Variants in RIN2 observed in about 807,000 individuals in gnomAD.
RIN2 encodes RAB5 interacting protein 2.
In RIN2, 36 loss-of-function variants were observed where a neutral mutation model predicts 78.0. That is an observed-to-expected ratio of 0.46 (90% confidence interval 0.35 to 0.61). RIN2 has a LOEUF of 0.61. Ranked by LOEUF, RIN2 falls within the 20% of genes least tolerant of loss-of-function variation. The pLI is 0.00. For synonymous variants in RIN2, 466 were observed against 466.8 expected (o/e 1.00, Z 0.02); for missense variants, 1,087 against 1,159.7 (o/e 0.94, Z 0.91).
chr20:20,000,287 GAA>G (rs574825927), intron 12 of RIN2, among the ~76,000 whole-genome samples: 12,755 of 152,264 alleles, frequency 0.084, 680 homozygotes, highest in South Asian at 0.12. Context: ...TTCAAGCTGG[GAA>G]TAAACCCAGC....
chr20:19,835,006 GAA>G (rs1201035723), intron 2 of RIN2, among the ~76,000 whole-genome samples: 2 of 147,374 alleles, frequency 1.4e-5, no homozygotes, highest in African/African-American at 2.5e-5. Flanking sequence ...GAGAGAGAGA[GAA>G]AGAAAAAGAG....
At chr20:19,787,611 C>T (rs1390534983) in intron 1 of RIN2, among the ~76,000 whole-genome samples, 1 of 151,974 alleles carries the variant, frequency 6.6e-6, no homozygotes, top group Admixed American at 6.6e-5. Flanking sequence ...ATCTCTCATG[C>T]CTTTGTTGCC....
chr20:19,760,458 C>T (rs1044073354), intron 1 of RIN2, among the ~76,000 whole-genome samples: 31 of 152,262 alleles, frequency 2.0e-4, no homozygotes, highest in Admixed American at 3.3e-4. Flanking sequence ...ATGGCTATGG[C>T]GTGTGCTTAT....
intron 4 of RIN2, among the ~76,000 whole-genome samples, chr20:19,950,656 G>A (rs2041274258): frequency 1.3e-5 from 2 of 151,936 alleles, no homozygotes; most frequent in South Asian, 4.1e-4. Context: ...AAGAATAAAA[G>A]CATTTTTCCT....
intron 1 of RIN2, among the ~76,000 whole-genome samples, chr20:19,778,877 A>G (rs900785932): frequency 6.6e-6 from 1 of 152,144 alleles, no homozygotes; most frequent in African/African-American, 2.4e-5. Context: ...TGGCCCCCCA[A>G]CCACTACAAC....
chr20:19,759,173 A>G lies in RIN2; in HGVS notation c.-163+846A>G, dbSNP rs777652881. On this transcript the variant is annotated intron_variant, in intron 1 of 12. Coordinates refer to ENST00000255006, the MANE Select transcript of RIN2 (RefSeq NM_018993.4). ...GAAGTTCAGCTTGAAAGCCTATGAT[A>G]TGTTGCCAAGAAATACAGGGCAAGA... Among the ~76,000 whole-genome samples, 3 of 152,248 alleles carry G rather than the reference A, an allele frequency of 2.0e-5. No homozygotes were observed. In the East Asian group the frequency reaches 5.8e-4, roughly 29 times the overall value.
chr20:19,830,912 C>G (rs1341822207), intron 2 of RIN2, among the ~76,000 whole-genome samples: 1 of 152,220 alleles, frequency 6.6e-6, no homozygotes, highest in Admixed American at 6.5e-5. Flanking sequence ...CTCGGGACAC[C>G]CCTATAAGGT....
At chr20:19,878,121 G>T (rs2037913376) in intron 2 of RIN2, among the ~76,000 whole-genome samples, 1 of 152,176 alleles carries the variant, frequency 6.6e-6, no homozygotes, top group Non-Finnish European at 1.5e-5. Flanking sequence ...TATGCACTTT[G>T]TCCTATCCTA....
At chr20:19,971,208 C>T (rs544741494) in intron 8 of RIN2, among the ~76,000 whole-genome samples, 1 of 151,256 alleles carries the variant, frequency 6.6e-6, no homozygotes, top group African/African-American at 2.4e-5. Flanking sequence ...GAGGGGCACA[C>T]GGGCATTGAC....
chr20:19,793,429 C>T (rs1010546724), intron 1 of RIN2, among the ~76,000 whole-genome samples: 2 of 152,050 alleles, frequency 1.3e-5, no homozygotes, highest in African/African-American at 4.8e-5. Flanking sequence ...GCATGGTTTT[C>T]CTTGAATGTT....
intron 1 of RIN2, among the ~76,000 whole-genome samples, chr20:19,790,026 G>A (rs1474999455): frequency 6.6e-6 from 1 of 151,980 alleles, no homozygotes; most frequent in African/African-American, 2.4e-5. Flanking sequence ...TTCTTGACGG[G>A]CCCTAATTTT....
intron 1 of RIN2, among the ~76,000 whole-genome samples, chr20:19,788,190 T>G (rs1365305118): frequency 6.6e-6 from 1 of 152,176 alleles, no homozygotes; most frequent in Non-Finnish European, 1.5e-5. Context: ...ATCACTCTTA[T>G]TCACTGTCAC....
intron 9 of RIN2, among the ~76,000 whole-genome samples, chr20:19,988,875 T>A (rs2042703451): frequency 6.8e-6 from 1 of 147,690 alleles, no homozygotes; most frequent in South Asian, 2.1e-4. Flanking sequence ...CTTCGCCACA[T>A]CTGCCTCATT....
chr20:19,838,772 C>T (rs1271097152), intron 2 of RIN2, among the ~76,000 whole-genome samples: 1 of 152,188 alleles, frequency 6.6e-6, no homozygotes, highest in Non-Finnish European at 1.5e-5. Flanking sequence ...CAAGTCTCTG[C>T]ACACCTGCAC....
chr20:19,833,544 C>T (rs1010576789), intron 2 of RIN2, among the ~76,000 whole-genome samples: 18 of 152,302 alleles, frequency 1.2e-4, no homozygotes, highest in East Asian at 5.8e-4. Context: ...CTGTTTACAA[C>T]GTGTTGAGCT....
chr20:19,996,802 G>A lies in RIN2; in HGVS notation c.2324G>A (p.Arg775Lys), dbSNP rs182690301. The A allele has an allele frequency of 6.2e-7, 1 of 1,608,556 alleles. No individual in the cohort carries two copies. The highest frequency in any genetic ancestry group is 2.2e-5 in the East Asian group (1 of 44,678). The change falls in exon 12 of 13, where the codon AGA (arginine) becomes AAA (lysine). Residue 775 changes from arginine to lysine, a missense_variant. By Grantham distance (26) the Arg-to-Lys change is conservative. This residue lies in a region of RIN2 where 160 missense variants were observed against 179.4 expected (regional missense o/e 0.89). Transcript: ENST00000255006. ...RDTLRQWHKR[R>K]TTNRTIPSVD... Reference sequence around the variant, plus strand: ...ACCCTGAGGCAGTGGCACAAACGGAGAACCACCAACCGGACCATCCCCTCT... The same window carrying A: ...ACCCTGAGGCAGTGGCACAAACGGAAAACCACCAACCGGACCATCCCCTCT...
At chr20:19,806,173 A>G (rs1004402213) in intron 2 of RIN2, among the ~76,000 whole-genome samples, 1 of 152,196 alleles carries the variant, frequency 6.6e-6, no homozygotes, top group Non-Finnish European at 1.5e-5. Flanking sequence ...CAGTGCTGCA[A>G]TAAATGTGAG....
At chr20:19,940,700 C>T (rs2040834005) in intron 4 of RIN2, among the ~76,000 whole-genome samples, 3 of 152,226 alleles carry the variant, frequency 2.0e-5, no homozygotes, top group Admixed American at 6.5e-5. Flanking sequence ...AACATGAAGG[C>T]ATTTCACTCC....
intron 12 of RIN2, among the ~76,000 whole-genome samples, chr20:20,000,372 C>G (rs1185325276): frequency 1.3e-5 from 2 of 152,214 alleles, no homozygotes; most frequent in Non-Finnish European, 2.9e-5. Context: ...AAGATCAGAA[C>G]CAGGGCTGCA....
Sources: gnomAD v4.1 joint callset for allele counts (sites outside exome capture counted in the v4.1 genomes callset) on GRCh38, gnomAD v4.1.1 for gene constraint, gnomAD v4.1.1 regional missense constraint, MANE v1.5 for transcripts, NCBI Gene and HGNC (gene_info 2026-07-23, HGNC 2026-07-21) for gene names.